Variants in DAB1 observed in about 807,000 individuals in gnomAD.
The protein encoded by DAB1 is DAB adaptor protein 1.
In DAB1, 15 loss-of-function variants were observed where a neutral mutation model predicts 64.6. The ratio of observed to expected loss-of-function variants is 0.23; its 90% CI spans 0.16 to 0.36. The LOEUF is 0.36. DAB1 is among the 10% of genes least tolerant of loss of function. DAB1 has a pLI of 1.00. For synonymous variants in DAB1, 235 were observed against 251.9 expected (o/e 0.93, Z 0.64); for missense variants, 596 against 706.7 (o/e 0.84, Z 1.78).
At chr1:58,430,268 T>C (rs1644858175) in intron 3 of DAB1, among the ~76,000 whole-genome samples, 1 of 152,214 alleles carries the variant, frequency 6.6e-6, no homozygotes. Context: ...TCTAGCATAG[T>C]GCAGGGCACT....
At chr1:57,819,300 A>G (rs964971193) in intron 6 of DAB1, among the ~76,000 whole-genome samples, 1 of 152,262 alleles carries the variant, frequency 6.6e-6, no homozygotes, top group African/African-American at 2.4e-5. Context: ...AGACAGGGGT[A>G]GAAACATCCA....
chr1:58,531,377 A>G (rs1227597706), intron 1 of DAB1, among the ~76,000 whole-genome samples: 4 of 152,200 alleles, frequency 2.6e-5, no homozygotes, highest in African/African-American at 9.6e-5. Context: ...TGAAAGAATC[A>G]GGTTCTATGA....
chr1:57,711,015 A>G (rs1647022278), intron 6 of DAB1, among the ~76,000 whole-genome samples: 2 of 152,192 alleles, frequency 1.3e-5, no homozygotes, highest in Admixed American at 6.5e-5. Flanking sequence ...CAAAAGGCCA[A>G]TCTTAGATTC....
chr1:57,661,057 T>C (rs893935769), intron 6 of DAB1, among the ~76,000 whole-genome samples: 7 of 152,154 alleles, frequency 4.6e-5, no homozygotes, highest in Admixed American at 4.6e-4. Flanking sequence ...AATGGTGCAT[T>C]TGTAGAGACT....
At chr1:57,618,567 C>T (rs1484891210) in intron 7 of DAB1, among the ~76,000 whole-genome samples, 1 of 152,080 alleles carries the variant, frequency 6.6e-6, no homozygotes, top group Non-Finnish European at 1.5e-5. Context: ...AAACAGTGCA[C>T]CTGTCCACAG....
chr1:58,012,188 T>G (rs1646678040), intron 5 of DAB1, among the ~76,000 whole-genome samples: 1 of 152,192 alleles, frequency 6.6e-6, no homozygotes, highest in Admixed American at 6.5e-5. Flanking sequence ...AGTGTGGTTC[T>G]GACAGCACAA....
chr1:57,452,398 T>C (rs2101157216), intron 7 of DAB1, among the ~76,000 whole-genome samples: 1 of 152,156 alleles, frequency 6.6e-6, no homozygotes, highest in South Asian at 2.1e-4. Context: ...TCAGTGGGCA[T>C]TAATGGTTAA....
intron 5 of DAB1, among the ~76,000 whole-genome samples, chr1:57,896,646 G>GCA (rs555998970): frequency 0.01 from 1,575 of 152,152 alleles, 33 homozygotes; most frequent in African/African-American, 0.036. Context: ...CTGGGCTTAA[G>GCA]GTCTCTTATC....
intron 7 of DAB1, among the ~76,000 whole-genome samples, chr1:57,554,447 T>C (rs1376824009): frequency 6.6e-6 from 1 of 152,250 alleles, no homozygotes; most frequent in Non-Finnish European, 1.5e-5. Context: ...AGTCCTGGCA[T>C]ATAGTAAATG....
At chr1:57,191,143 A>C (rs1196019132) in intron 2 of DAB1, among the ~76,000 whole-genome samples, 1 of 152,208 alleles carries the variant, frequency 6.6e-6, no homozygotes, top group African/African-American at 2.4e-5. Context: ...GAGTGATGGT[A>C]AATACAAGCT....
intron 4 of DAB1, among the ~76,000 whole-genome samples, chr1:58,290,902 C>T (rs1661811532): frequency 6.6e-6 from 1 of 152,038 alleles, no homozygotes; most frequent in South Asian, 2.1e-4. Flanking sequence ...GAGCTGCAGA[C>T]CCGAGGGTCA....
At chr1:58,145,178 C>T (rs1034199041) in intron 5 of DAB1, among the ~76,000 whole-genome samples, 1 of 152,248 alleles carries the variant, frequency 6.6e-6, no homozygotes, top group African/African-American at 2.4e-5. Flanking sequence ...GCAGACATTG[C>T]TTTCACAGTG....
At chr1:58,007,086 T>A (rs956277765) in intron 5 of DAB1, among the ~76,000 whole-genome samples, 8 of 152,162 alleles carry the variant, frequency 5.3e-5, no homozygotes, top group African/African-American at 1.9e-4. Context: ...AATGTGTGAT[T>A]TAAGCTCTCT....
At chr1:57,086,889 G>A (rs544236889) in intron 4 of DAB1, among the ~76,000 whole-genome samples, 13 of 152,144 alleles carry the variant, frequency 8.5e-5, no homozygotes, top group Non-Finnish European at 1.8e-4. Flanking sequence ...ATGGGTCTGG[G>A]TCATTCCTTG....
intron 3 of DAB1, among the ~76,000 whole-genome samples, chr1:58,391,541 C>T (rs1644476002): frequency 6.6e-6 from 1 of 152,200 alleles, no homozygotes; most frequent in African/African-American, 2.4e-5. Flanking sequence ...AACATTCCTC[C>T]AGTACACATT....
intron 4 of DAB1, among the ~76,000 whole-genome samples, chr1:58,296,246 AAAG>A: frequency 6.7e-6 from 1 of 150,092 alleles, no homozygotes; most frequent in African/African-American, 2.5e-5. Context: ...AGAAAGAAAG[AAAG>A]AAAGAAAGAA....
At chr1:58,517,314 T>C (rs1194554061) in intron 2 of DAB1, among the ~76,000 whole-genome samples, 1 of 152,236 alleles carries the variant, frequency 6.6e-6, no homozygotes, top group Non-Finnish European at 1.5e-5. Flanking sequence ...CTGTTGCCAT[T>C]GGTGCTCTTG....
chr1:58,062,441 A>C (rs538088425), intron 5 of DAB1, among the ~76,000 whole-genome samples: 6 of 152,342 alleles, frequency 3.9e-5, no homozygotes, highest in Non-Finnish European at 7.3e-5. Context: ...TGCAAGATTC[A>C]AGGAGGGCTT....
chr1:57,563,438 G>A (rs1645076769), intron 7 of DAB1, among the ~76,000 whole-genome samples: 1 of 151,736 alleles, frequency 6.6e-6, no homozygotes, highest in African/African-American at 2.4e-5. Flanking sequence ...GTCAGACAGT[G>A]GGTGCAGGAC....
Sources: allele counts gnomAD v4.1 joint callset (sites outside exome capture counted in the v4.1 genomes callset), GRCh38; gene constraint gnomAD v4.1.1; transcripts MANE v1.5; gene names NCBI Gene and HGNC (gene_info 2026-07-23, HGNC 2026-07-21).